Variants in CCNB3 observed in about 807,000 individuals in gnomAD.
CCNB3 encodes the protein G2/mitotic-specific cyclin-B3.
Under a neutral mutation model 68.0 loss-of-function variants are expected in CCNB3, and 12 were observed. That is an observed-to-expected ratio of 0.18 (90% confidence interval 0.11 to 0.29). The LOEUF is 0.29. Among genes scored for constraint, CCNB3 ranks in the 10% least tolerant of loss-of-function variants. CCNB3 has a pLI of 1.00. For synonymous variants in CCNB3, 354 were observed against 388.9 expected, an observed-to-expected ratio of 0.91 and a Z score of 1.06; for missense variants, 904 against 993.1, an observed-to-expected ratio of 0.91 and a Z score of 1.21.
intron 1 of CCNB3, among the ~76,000 whole-genome samples, chrX:50,281,772 C>T (rs1602197536): frequency 9.0e-6 from 1 of 111,690 alleles, no homozygotes; most frequent in African/African-American, 3.2e-5. Flanking sequence ...GGATTAATTT[C>T]ATCTACAAGT....
In CCNB3 at chrX:50,297,426, G is replaced by T. The variant is rs1171940957; in HGVS notation, c.335+2433G>T. ...GCTTGTTTTTGTCAGGTTTGTCAAAGATCAGATAGTTGTTGATGTGTGGTA... is the reference window on the plus strand; with the variant it reads ...GCTTGTTTTTGTCAGGTTTGTCAAATATCAGATAGTTGTTGATGTGTGGTA... On this transcript the variant is annotated intron_variant, in intron 5 of 12. Coordinates refer to ENST00000376042, the MANE Select transcript of CCNB3 (RefSeq NM_033031.3). Among the ~76,000 whole-genome samples, 6 of 111,694 alleles carry T rather than the reference G, an allele frequency of 5.4e-5. No homozygotes were observed. The Admixed American group carries it at 5.7e-4, about 11-fold the overall frequency.
intron 5 of CCNB3, among the ~76,000 whole-genome samples, chrX:50,298,386 T>C (rs1352333281): frequency 8.9e-6 from 1 of 111,876 alleles, no homozygotes; most frequent in Non-Finnish European, 1.9e-5. Flanking sequence ...TCTATTGAGA[T>C]AATCATGTGG....
intron 1 of CCNB3, among the ~76,000 whole-genome samples, chrX:50,219,353 T>C (rs1159506288): frequency 8.9e-6 from 1 of 111,753 alleles, no homozygotes; most frequent in African/African-American, 3.3e-5. Flanking sequence ...CCCATGCCTA[T>C]GTCCTGAATG....
chrX:50,210,862 A>T (rs1445528388), intron 1 of CCNB3, among the ~76,000 whole-genome samples: 2 of 111,637 alleles, frequency 1.8e-5, no homozygotes, highest in Non-Finnish European at 3.8e-5. Flanking sequence ...CACGCTGGAG[A>T]TGTGGGTGGA....
At chrX:50,322,303 C>G (rs1463124569) in intron 8 of CCNB3, among the ~76,000 whole-genome samples, 3 of 110,577 alleles carry the variant, frequency 2.7e-5, no homozygotes, top group East Asian at 2.8e-4. Context: ...ACAAACCTGA[C>G]AAAAACAAGC....
chrX:50,227,828 T>C (rs1350043074), intron 1 of CCNB3, among the ~76,000 whole-genome samples: 19 of 76,018 alleles, frequency 2.5e-4, no homozygotes, highest in African/African-American at 9.3e-4. Context: ...AGAGAATATA[T>C]AAATATATAT....
chrX:50,301,796 C>T (rs963041998), intron 5 of CCNB3, among the ~76,000 whole-genome samples: 24 of 112,916 alleles, frequency 2.1e-4, no homozygotes, highest in Admixed American at 9.3e-5. Context: ...TTCGAGCTTC[C>T]TGGCTGCTTT....
chrX:50,318,823 A>G (rs1410177646), intron 8 of CCNB3, among the ~76,000 whole-genome samples: 1 of 111,545 alleles, frequency 9.0e-6, no homozygotes, highest in Non-Finnish European at 1.9e-5. Flanking sequence ...CTCTTTATGC[A>G]AACAGTGTGG....
At position 50,310,358 on chromosome X, in the gene CCNB3, C is replaced by T. The variant is rs1557214526; in HGVS notation, c.2189C>T (p.Ala730Val). Residue 730 changes from alanine to valine, a missense_variant, in exon 6 of 13, where the codon GCT (alanine) becomes GTT (valine). Ala to Val is a moderately conservative substitution (Grantham distance 64). Coordinates refer to ENST00000376042, the MANE Select transcript of CCNB3 (RefSeq NM_033031.3). ...GAGTCCCTTATCAATAAGCTATTGG[C>T]TCTGAAGGAGGAGCTTTCTGCTGAG... ...EEESLINKLL[A>V]LKEELSAEAA... 1 of 1,211,913 alleles carries T rather than the reference C, an allele frequency of 8.3e-7. No homozygotes were observed. Among genetic ancestry groups the T allele is most frequent in the Admixed American group, 2.2e-5 (1 of 46,076 alleles).
intron 1 of CCNB3, among the ~76,000 whole-genome samples, chrX:50,211,978 T>G (rs1485625302): frequency 8.9e-6 from 1 of 112,262 alleles, no homozygotes; most frequent in Non-Finnish European, 1.9e-5. Flanking sequence ...CTCATGTGTT[T>G]ACACACTCAG....
intron 3 of CCNB3, among the ~76,000 whole-genome samples, chrX:50,286,941 T>C (rs1181259459): frequency 1.8e-5 from 2 of 112,302 alleles, no homozygotes; most frequent in African/African-American, 3.2e-5. Context: ...AGCCGCCGCG[T>C]CGGGCTCCAG....
intron 4 of CCNB3, 89 bp from the exon 5 acceptor site, chrX:50,294,774 A>G (rs1936417541): frequency 4.7e-6 from 5 of 1,073,352 alleles, no homozygotes; most frequent in Non-Finnish European, 6.2e-6. Context: ...GGACTTTCCT[A>G]TGAGAGCCAC....
intron 1 of CCNB3, among the ~76,000 whole-genome samples, chrX:50,207,668 C>T (rs1222241475): frequency 2.7e-5 from 3 of 111,775 alleles, no homozygotes; most frequent in Non-Finnish European, 5.6e-5. Context: ...CTGAATCTAT[C>T]CTTGCCACTC....
intron 1 of CCNB3, among the ~76,000 whole-genome samples, chrX:50,208,100 G>A (rs1935404431): frequency 1.8e-5 from 2 of 112,202 alleles, no homozygotes; most frequent in African/African-American, 6.5e-5. Context: ...TGTCTGTGAG[G>A]GAAGCTCATT....
At chrX:50,312,471 T>C in intron 6 of CCNB3, 66 bp from the exon 7 acceptor site, 1 of 848,410 alleles carries the variant, frequency 1.2e-6, no homozygotes. Flanking sequence ...TAATCATTGA[T>C]ATGTATGTGC....
intron 11 of CCNB3, 73 bp from the exon 12 acceptor site, chrX:50,351,168 A>G (rs1035488491): frequency 8.8e-7 from 1 of 1,134,203 alleles, no homozygotes; most frequent in Non-Finnish European, 1.2e-6. Flanking sequence ...GGAAGCTTAG[A>G]CTTGGGATAG....
intron 9 of CCNB3, among the ~76,000 whole-genome samples, chrX:50,342,636 C>T (rs186679282): frequency 5.1e-4 from 57 of 111,046 alleles, no homozygotes; most frequent in African/African-American, 1.6e-3. Context: ...CATACAATTA[C>T]GTACAGTACA....
intron 1 of CCNB3, among the ~76,000 whole-genome samples, chrX:50,223,682 C>A (rs1343341983): frequency 8.9e-6 from 1 of 112,286 alleles, no homozygotes; most frequent in Non-Finnish European, 1.9e-5. Flanking sequence ...CCAGAGCTCT[C>A]CTGTATGAGG....
intron 8 of CCNB3, among the ~76,000 whole-genome samples, chrX:50,329,812 T>A (rs922513319): frequency 8.9e-6 from 1 of 112,365 alleles, no homozygotes; most frequent in Non-Finnish European, 1.9e-5. Flanking sequence ...ACTTCTGCAC[T>A]CTGCTTCCTC....
Sources: gnomAD v4.1 joint callset for allele counts (sites outside exome capture counted in the v4.1 genomes callset) on GRCh38, gnomAD v4.1.1 for gene constraint, MANE v1.5 for transcripts, NCBI Gene and HGNC (gene_info 2026-07-23, HGNC 2026-07-21) for gene names.